GRM8: variants seen among roughly 807,000 people sequenced by gnomAD.
The protein encoded by GRM8 is glutamate metabotropic receptor 8.
A neutral mutation model predicts 87.2 loss-of-function variants in GRM8; 47 were observed. That is an observed-to-expected ratio of 0.54 (90% CI 0.43 to 0.69). The LOEUF is 0.69. Ranked by LOEUF, GRM8 falls within the 30% of genes least tolerant of loss-of-function variation. GRM8 has a pLI of 0.00. For synonymous variants in GRM8, 396 were observed against 404.5 expected, an observed-to-expected ratio of 0.98 and a Z score of 0.25; for missense variants, 1,019 against 1,139.2, an observed-to-expected ratio of 0.89 and a Z score of 1.52.
chr7:126,554,159 G>T (rs1562950661), intron 8 of GRM8, among the ~76,000 whole-genome samples: 2 of 151,998 alleles, frequency 1.3e-5, no homozygotes, highest in South Asian at 2.1e-4. Flanking sequence ...TAAAGGAACA[G>T]AAAATGGCAC....
At chr7:126,607,024 T>C (rs1798428401) in intron 8 of GRM8, among the ~76,000 whole-genome samples, 1 of 152,230 alleles carries the variant, frequency 6.6e-6, no homozygotes, top group South Asian at 2.1e-4. Context: ...TGATAGGCAG[T>C]CCGACATTAA....
intron 2 of GRM8, among the ~76,000 whole-genome samples, chr7:127,236,099 T>C (rs901652863): frequency 1.5e-4 from 23 of 152,212 alleles, no homozygotes; most frequent in Non-Finnish European, 2.6e-4. Context: ...CAATATGGGG[T>C]GATTAAATTG....
intron 7 of GRM8, among the ~76,000 whole-genome samples, chr7:126,691,869 A>C (rs963237009): frequency 1.3e-5 from 2 of 152,242 alleles, no homozygotes; most frequent in Non-Finnish European, 2.9e-5. Context: ...AATTCTACTC[A>C]GTGAGAATTT....
chr7:126,888,984 A>G (rs1357190799), intron 6 of GRM8, among the ~76,000 whole-genome samples: 1 of 152,146 alleles, frequency 6.6e-6, no homozygotes, highest in African/African-American at 2.4e-5. Flanking sequence ...GTGGAATGAC[A>G]TCACCTATTT....
At chr7:126,810,577 G>C (rs1224475399) in intron 6 of GRM8, among the ~76,000 whole-genome samples, 3 of 152,106 alleles carry the variant, frequency 2.0e-5, no homozygotes, top group Admixed American at 2.0e-4. Flanking sequence ...TACTGACTAA[G>C]AGCAAACAAT....
rs1412855384 is a variant in GRM8, at chr7:126,788,472, T to G, written c.1157-18407A>C. Among the ~76,000 whole-genome samples, 32 of 143,074 alleles carry G rather than the reference T, an allele frequency of 2.2e-4. No homozygotes were observed. In the Admixed American group the frequency reaches 2.3e-3, roughly 10 times the overall value. The allele number at this position is 143,074 out of a possible 152,430, so 93.9% of individuals were successfully genotyped here. On this transcript the variant is annotated intron_variant, in intron 6 of 10. Coordinates refer to ENST00000339582, the MANE Select transcript of GRM8 (RefSeq NM_000845.3). The stretch of plus-strand genomic sequence containing the variant: ...TATGCCTTGTTCACTCAAAATTGTA[T>G]GTGCTTTTTAACACCTCCCATCCTA...
chr7:127,022,762 C>T (rs1047873490), intron 3 of GRM8, among the ~76,000 whole-genome samples: 12 of 152,202 alleles, frequency 7.9e-5, no homozygotes, highest in African/African-American at 2.9e-4. Context: ...CTTTTCTGTA[C>T]ATTTTGTTTC....
intron 3 of GRM8, among the ~76,000 whole-genome samples, chr7:127,062,141 CAAA>C (rs5887324): frequency 7.0e-4 from 95 of 134,918 alleles, no homozygotes; most frequent in Non-Finnish European, 7.3e-4. Context: ...AAGACTCCAT[CAAA>C]AAAAAAAAAA....
At chr7:126,499,898 G>A (rs1485721707) in intron 9 of GRM8, among the ~76,000 whole-genome samples, 1 of 102,474 alleles carries the variant, frequency 9.8e-6, no homozygotes, top group Non-Finnish European at 1.9e-5. Flanking sequence ...TAATAACACT[G>A]TATTCTATAT....
At chr7:126,854,601 G>A (rs1563251990) in intron 6 of GRM8, among the ~76,000 whole-genome samples, 1 of 152,132 alleles carries the variant, frequency 6.6e-6, no homozygotes, top group Non-Finnish European at 1.5e-5. Context: ...AATTTCTCAG[G>A]AGTGCTCTTC....
At chr7:126,719,497 T>A (rs1026019806) in intron 7 of GRM8, among the ~76,000 whole-genome samples, 3 of 152,154 alleles carry the variant, frequency 2.0e-5, no homozygotes, top group Admixed American at 1.3e-4. Flanking sequence ...ATGAACTAGG[T>A]TGTAAATGAT....
chr7:126,462,618 T>G (rs1469310254), intron 9 of GRM8, among the ~76,000 whole-genome samples: 3 of 151,684 alleles, frequency 2.0e-5, no homozygotes, highest in Non-Finnish European at 4.4e-5. Context: ...ACTATGTTCC[T>G]AAGAGTAGGA....
In GRM8 at chr7:126,760,902, T is replaced by C. The variant is rs530470774; in HGVS notation, c.1357+8963A>G. Among the ~76,000 whole-genome samples the C allele has an allele frequency of 3.2e-4, 49 of 152,212 alleles. No individual in the cohort carries two copies. In the East Asian group the frequency reaches 7.4e-3, roughly 23 times the overall value. ...GAATTTCTGTCTCATTTTCTACTTA[T>C]AAAAGTAGATGAGGGCGGGCTCGAT... On this transcript the variant is annotated intron_variant, in intron 7 of 10. Transcript: ENST00000339582.
At chr7:126,508,092 T>C (rs1046323402) in intron 9 of GRM8, among the ~76,000 whole-genome samples, 1 of 151,894 alleles carries the variant, frequency 6.6e-6, no homozygotes, top group East Asian at 1.9e-4. Flanking sequence ...TTAATTATGA[T>C]TGAAGAAGTA....
At chr7:126,786,024 A>G (rs1369719087) in intron 6 of GRM8, among the ~76,000 whole-genome samples, 1 of 152,126 alleles carries the variant, frequency 6.6e-6, no homozygotes, top group Non-Finnish European at 1.5e-5. Flanking sequence ...CTGGAGCACT[A>G]GGAAAACCAT....
chr7:126,451,854 T>G (rs894367383), intron 9 of GRM8, among the ~76,000 whole-genome samples: 1 of 151,664 alleles, frequency 6.6e-6, no homozygotes. Flanking sequence ...CCATTGAAAA[T>G]TGTAACCCCC....
intron 6 of GRM8, among the ~76,000 whole-genome samples, chr7:126,838,729 A>G (rs868365630): frequency 1.3e-5 from 2 of 152,302 alleles, no homozygotes; most frequent in Middle Eastern, 3.4e-3. Context: ...AGACTCATAC[A>G]TTGTTCTCTC....
intron 7 of GRM8, among the ~76,000 whole-genome samples, chr7:126,718,724 C>A (rs774465420): frequency 6.6e-6 from 1 of 152,188 alleles, no homozygotes; most frequent in Non-Finnish European, 1.5e-5. Flanking sequence ...ATGTCCAGAA[C>A]GGCCTGAGTG....
At chr7:127,091,113 T>C (rs17863211) in intron 3 of GRM8, 4,786 of 152,318 alleles carry the variant, frequency 0.031, 106 homozygotes, top group South Asian at 0.086. Context: ...CTTACCCTCT[T>C]ACTTTGCCTT....
Sources: allele counts gnomAD v4.1 joint callset (sites outside exome capture counted in the v4.1 genomes callset), GRCh38; gene constraint gnomAD v4.1.1; transcripts MANE v1.5; gene names NCBI Gene and HGNC (gene_info 2026-07-23, HGNC 2026-07-21).